Variants in FERMT1 observed in about 807,000 individuals in gnomAD.
The protein encoded by FERMT1 is fermitin family homolog 1.
Under a neutral mutation model 85.3 loss-of-function variants are expected in FERMT1, and 60 were observed. The ratio of observed to expected loss-of-function variants is 0.70; its 90% confidence interval spans 0.57 to 0.87. The LOEUF is 0.87. Among genes scored for constraint, FERMT1 ranks in the 40% least tolerant of loss-of-function variants. FERMT1 has a pLI of 0.00. For synonymous variants in FERMT1, 275 were observed against 301.1 expected (o/e 0.91, Z 0.90); for missense variants, 701 against 818.9 (o/e 0.86, Z 1.76).
intron 13 of FERMT1, among the ~76,000 whole-genome samples, chr20:6,082,994 T>C (rs980735992): frequency 2.6e-5 from 4 of 151,252 alleles, no homozygotes; most frequent in Non-Finnish European, 5.9e-5. Flanking sequence ...TTAGAAGTAA[T>C]GGAGGAATGG....
intron 3 of FERMT1, 64 bp from the exon 4 acceptor site, chr20:6,112,687 G>C: frequency 8.6e-7 from 1 of 1,164,932 alleles, no homozygotes; most frequent in Non-Finnish European, 1.2e-6. Flanking sequence ...TAAGACTCAG[G>C]GTCATTTTGT....
Position 6,076,494 on chromosome 20 carries a change from A to C in FERMT1, c.*679T>G. On this transcript the variant is annotated 3_prime_UTR_variant, in exon 15 of 15. Transcript: ENST00000217289. ...AATGGGGCTTGCAGGTGGCCCCAGA[A>C]ATCTGAGGAGACCAATGACTAAGAC... 1.9e-6 allele frequency: 1 copy of C among 515,318 alleles called. No individual in the cohort carries two copies. Among genetic ancestry groups the C allele is most frequent in the Non-Finnish European group, 3.9e-6 (1 of 258,442 alleles). 31.9% of individuals were successfully genotyped at this position (515,318 alleles called of 1,614,324 possible). A position where few individuals can be genotyped will look rare whatever the true frequency, so the allele number is the denominator to read the frequency against.
intron 2 of FERMT1, among the ~76,000 whole-genome samples, chr20:6,116,706 GC>G (rs1568665987): frequency 7.1e-6 from 1 of 140,886 alleles, no homozygotes; most frequent in Admixed American, 7.4e-5. Context: ...TACAGCTTGG[GC>G]AACAAGAGCA....
At position 6,116,026 on chromosome 20, in the gene FERMT1, G is replaced by T; in HGVS notation, c.170C>A (p.Ser57Ter). The T allele has an allele frequency of 6.2e-7, 1 of 1,613,884 alleles. No individual in the cohort carries two copies. Among genetic ancestry groups the T allele is most frequent in the South Asian group, 1.1e-5 (1 of 91,038 alleles). ...CTGTTCCCACCAAAGAGCAAAGTCTGACCAGTCTTGGGATATATCTGCAAA... is the reference window on the plus strand; with the variant it reads ...CTGTTCCCACCAAAGAGCAAAGTCTTACCAGTCTTGGGATATATCTGCAAA... ...VEQINISQDW[S>*]DFALWWEQKH... Residue 57 changes from serine to a stop codon, truncating the protein, a stop_gained, in exon 3 of 15, where the codon TCA becomes TAA. Coordinates refer to ENST00000217289, the MANE Select transcript of FERMT1 (RefSeq NM_017671.5). LOFTEE classifies it high-confidence loss of function.
intron 14 of FERMT1, 56 bp from the exon 15 acceptor site, chr20:6,077,402 A>G (rs1016566507): frequency 1.9e-6 from 3 of 1,601,532 alleles, no homozygotes; most frequent in Non-Finnish European, 1.7e-6. Flanking sequence ...ATGAAAAAAA[A>G]AGTGCTTTGC....
Position 6,085,148 on chromosome 20 carries a change from A to G in FERMT1, c.1511T>C (p.Val504Ala). Residue 504 changes from valine to alanine, a missense_variant, in exon 12 of 15, where the codon GTG (valine) becomes GCG (alanine). Val to Ala is a moderately conservative substitution (Grantham distance 64). Transcript: ENST00000217289. Reference protein sequence around the residue: ...RMKNRNSASQVASSLENMDMN... With the variant: ...RMKNRNSASQAASSLENMDMN... ...ATCCATGTTTTCGAGACTGGAAGCC[A>G]CCTGAGATGCAGAGTTCCTGTTTTT... is the stretch of plus-strand genomic sequence containing the variant. 1 of 1,614,220 alleles carries G rather than the reference A, an allele frequency of 6.2e-7. No individual in the cohort carries two copies. Among genetic ancestry groups the G allele is most frequent in the African/African-American group, 1.3e-5 (1 of 75,048 alleles).
At chr20:6,100,204 CATTG>C (rs764738095) in intron 6 of FERMT1, among the ~76,000 whole-genome samples, 3 of 152,034 alleles carry the variant, frequency 2.0e-5, no homozygotes, top group Non-Finnish European at 4.4e-5. Context: ...TCCAAATGTT[CATTG>C]ATTGATGAAT....
At chr20:6,094,896 C>T (rs759352186) in intron 9 of FERMT1, 43 bp downstream of exon 9, 22 of 1,110,872 alleles carry the variant, frequency 2.0e-5, no homozygotes, top group Admixed American at 6.7e-5. Flanking sequence ...ATCTTCAAGA[C>T]TTTGTTATGA....
At chr20:6,112,825 G>A (rs1445034114) in intron 3 of FERMT1, among the ~76,000 whole-genome samples, 2 of 152,174 alleles carry the variant, frequency 1.3e-5, no homozygotes, top group Non-Finnish European at 2.9e-5. Context: ...AAACGGTGGA[G>A]GGAGATTCAG....
intron 13 of FERMT1, among the ~76,000 whole-genome samples, chr20:6,081,981 C>T (rs762978001): frequency 1.7e-4 from 26 of 152,186 alleles, no homozygotes; most frequent in Non-Finnish European, 2.5e-4. Context: ...CTGGGCTGCT[C>T]TCCATCATCC....
intron 6 of FERMT1, among the ~76,000 whole-genome samples, chr20:6,100,941 A>C (rs1197943398): frequency 1.3e-5 from 2 of 152,240 alleles, no homozygotes; most frequent in African/African-American, 4.8e-5. Flanking sequence ...AATCATATGA[A>C]ACATATAAAT....
At chr20:6,091,587 T>C (rs1210948758) in intron 9 of FERMT1, among the ~76,000 whole-genome samples, 4 of 152,174 alleles carry the variant, frequency 2.6e-5, no homozygotes, top group Admixed American at 2.0e-4. Flanking sequence ...TGAATAGTAT[T>C]TTCAGAATAA....
intron 6 of FERMT1, among the ~76,000 whole-genome samples, chr20:6,098,304 A>T (rs1982565098): frequency 6.6e-6 from 1 of 152,208 alleles, no homozygotes; most frequent in South Asian, 2.1e-4. Flanking sequence ...GCCCAGTGCA[A>T]TCCCAAGCAG....
At chr20:6,105,667 T>G (rs73894407) in intron 6 of FERMT1, among the ~76,000 whole-genome samples, 2,414 of 152,374 alleles carry the variant, frequency 0.016, 57 homozygotes, top group African/African-American at 0.054. Context: ...TGTTTCATTT[T>G]GTAGTCCTAT....
intron 7 of FERMT1, among the ~76,000 whole-genome samples, 180 bp downstream of exon 7, chr20:6,097,344 T>G (rs1982534347): frequency 6.6e-6 from 1 of 152,122 alleles, no homozygotes; most frequent in Non-Finnish European, 1.5e-5. Context: ...CATTTTAAAT[T>G]AAAAATTTGT....
chr20:6,081,461 G>A (rs1358724580), intron 13 of FERMT1, among the ~76,000 whole-genome samples: 1 of 152,162 alleles, frequency 6.6e-6, no homozygotes, highest in African/African-American at 2.4e-5. Context: ...TGTGTCAAAT[G>A]CTGCGGAGAG....
At chr20:6,106,664 T>G (rs1273240183) in intron 6 of FERMT1, among the ~76,000 whole-genome samples, 1 of 152,172 alleles carries the variant, frequency 6.6e-6, no homozygotes, top group African/African-American at 2.4e-5. Flanking sequence ...ATCTCACCCC[T>G]CATTTGTTAT....
chr20:6,095,383 G>A (rs1322158725), intron 8 of FERMT1, among the ~76,000 whole-genome samples: 2 of 152,172 alleles, frequency 1.3e-5, no homozygotes, highest in Non-Finnish European at 2.9e-5. Context: ...ATGAAAAAGT[G>A]GATCAAGTAC....
At chr20:6,099,912 T>C (rs1982614809) in intron 6 of FERMT1, among the ~76,000 whole-genome samples, 1 of 150,882 alleles carries the variant, frequency 6.6e-6, no homozygotes, top group African/African-American at 2.4e-5. Flanking sequence ...GGTGGGAGGA[T>C]TGCTTGAGCC....
Sources: gnomAD v4.1 joint callset for allele counts (sites outside exome capture counted in the v4.1 genomes callset) on GRCh38, gnomAD v4.1.1 for gene constraint, MANE v1.5 for transcripts, NCBI Gene and HGNC (gene_info 2026-07-23, HGNC 2026-07-21) for gene names.